The following ADAMTSL1 variants were observed in gnomAD, a reference collection of about 807,000 sequenced individuals.
ADAMTSL1 encodes ADAMTS like 1.
A neutral mutation model predicts 201.8 loss-of-function variants in ADAMTSL1; 126 were observed. That is an observed-to-expected ratio of 0.62 (90% CI 0.54 to 0.72). The LOEUF is 0.72. ADAMTSL1 is among the 30% of genes least tolerant of loss of function. The pLI, the probability that ADAMTSL1 is intolerant of heterozygous loss-of-function variation, is 0.00. For missense variants in ADAMTSL1, 2,679 were observed against 2,277.8 expected (o/e 1.18, Z -3.59); for synonymous variants, 1,121 against 903.4 (o/e 1.24, Z -4.32).
intron 1 of ADAMTSL1, among the ~76,000 whole-genome samples, chr9:18,490,835 G>A (rs968461892): frequency 1.3e-5 from 2 of 152,154 alleles, no homozygotes; most frequent in South Asian, 2.1e-4. Context: ...TCAGCCAAGC[G>A]GTGGGCAGAA....
intron 5 of ADAMTSL1, among the ~76,000 whole-genome samples, chr9:18,629,705 G>T (rs562462561): frequency 6.6e-6 from 1 of 152,138 alleles, no homozygotes; most frequent in Admixed American, 6.6e-5. Context: ...ATTCTTTTTT[G>T]TATTGTCTTT....
At chr9:17,942,974 T>A (rs1827302223) in intron 1 of ADAMTSL1, among the ~76,000 whole-genome samples, 1 of 152,130 alleles carries the variant, frequency 6.6e-6, no homozygotes, top group South Asian at 2.1e-4. Flanking sequence ...TAGGCTGGAG[T>A]GCAGTGACAG....
In ADAMTSL1 at chr9:18,638,480, G is replaced by T. The variant is rs77186020; in HGVS notation, c.677-774G>T. ...TCTAAATCACCCCTCAGTCACATGA[G>T]AACTTAGTCTTCTCTGAATCACACA... On this transcript the variant is annotated intron_variant, in intron 6 of 28. Coordinates refer to ENST00000380548, the MANE Select transcript of ADAMTSL1 (RefSeq NM_001040272.6). Among the ~76,000 whole-genome samples the T allele has an allele frequency of 6.9e-3, 1,056 of 152,106 alleles. 9 individuals are homozygous for T. The highest frequency in any genetic ancestry group is 9.3e-3 in the Non-Finnish European group (629 of 67,986).
At chr9:18,314,781 G>GTTTTTT (rs1563880361) in intron 2 of ADAMTSL1, among the ~76,000 whole-genome samples, 1 of 67,908 alleles carries the variant, frequency 1.5e-5, no homozygotes, top group Admixed American at 2.2e-4. Context: ...TCGGCAGCGT[G>GTTTTTT]CTTTTTTTTT....
chr9:18,798,484 A>G (rs1393635468), intron 20 of ADAMTSL1, among the ~76,000 whole-genome samples: 2 of 152,248 alleles, frequency 1.3e-5, no homozygotes, highest in Non-Finnish European at 2.9e-5. Flanking sequence ...TTTGTTAGCT[A>G]TTATTATTGA....
chr9:18,160,634 A>G (rs1051365800), intron 1 of ADAMTSL1, among the ~76,000 whole-genome samples: 8 of 151,776 alleles, frequency 5.3e-5, no homozygotes, highest in Non-Finnish European at 1.0e-4. Context: ...TCCTGGTCTG[A>G]GCATGGGAAA....
intron 26 of ADAMTSL1, chr9:18,905,576 C>A: frequency 1.8e-6 from 1 of 555,312 alleles, no homozygotes; most frequent in East Asian, 3.0e-5. Flanking sequence ...GGCAGAATGC[C>A]CACAGACCAC....
chr9:18,291,360 C>T (rs773736735), intron 2 of ADAMTSL1, among the ~76,000 whole-genome samples: 2 of 152,120 alleles, frequency 1.3e-5, no homozygotes, highest in Non-Finnish European at 2.9e-5. Context: ...CAAAAGCCAG[C>T]TTACAAACTA....
At chr9:18,558,779 T>C (rs1043007894) in intron 3 of ADAMTSL1, among the ~76,000 whole-genome samples, 23 of 152,206 alleles carry the variant, frequency 1.5e-4, no homozygotes, top group African/African-American at 5.5e-4. Flanking sequence ...GAGTTTTTTT[T>C]CGTATGTTTG....
At chr9:18,753,915 A>G (rs1435812928) in intron 16 of ADAMTSL1, among the ~76,000 whole-genome samples, 1 of 152,018 alleles carries the variant, frequency 6.6e-6, no homozygotes, top group African/African-American at 2.4e-5. Context: ...GTAGGCAATG[A>G]TTTTTTTTAA....
intron 2 of ADAMTSL1, among the ~76,000 whole-genome samples, chr9:18,316,921 T>C (rs1834422565): frequency 6.6e-6 from 1 of 152,206 alleles, no homozygotes; most frequent in Non-Finnish European, 1.5e-5. Context: ...AAGGGATATC[T>C]ACACCTCCAT....
chr9:18,573,412 A>T (rs2132355065), intron 3 of ADAMTSL1: 1 of 155,560 alleles, frequency 6.4e-6, no homozygotes, highest in South Asian at 2.0e-4. Context: ...CTAAGGAGGA[A>T]GTCCATGCTC....
chr9:18,117,718 C>T (rs753060747), intron 1 of ADAMTSL1, among the ~76,000 whole-genome samples: 1 of 152,230 alleles, frequency 6.6e-6, no homozygotes, highest in African/African-American at 2.4e-5. Context: ...GGGCAGGGGT[C>T]TTTGTTTTTC....
At position 18,504,888 on chromosome 9, in the gene ADAMTSL1, A is replaced by C; in HGVS notation, c.123A>C (p.Pro41=). 6.2e-7 allele frequency: 1 copy of C among 1,613,394 alleles called. No individual in the cohort carries two copies. The highest frequency in any genetic ancestry group is 8.5e-7 in the Non-Finnish European group (1 of 1,179,820). The change falls in exon 2 of 29, where the codon CCA becomes CCC. Residue 41 remains proline, a synonymous_variant. Coordinates refer to ENST00000380548, the MANE Select transcript of ADAMTSL1 (RefSeq NM_001040272.6). The part of the protein sequence containing the change: ...DRDGLWDAWG[P]WSECSRTCGG... The stretch of plus-strand genomic sequence containing the variant: ...ACGGCCTATGGGATGCCTGGGGCCC[A>C]TGGAGTGAATGCTCACGCACCTGCG...
At chr9:18,217,850 G>C (rs1031346670) in intron 2 of ADAMTSL1, among the ~76,000 whole-genome samples, 1 of 151,900 alleles carries the variant, frequency 6.6e-6, no homozygotes, top group Admixed American at 6.6e-5. Context: ...GCAGAGGAAA[G>C]TTGTTTTTTT....
chr9:18,281,868 C>T (rs1460216822), intron 2 of ADAMTSL1, among the ~76,000 whole-genome samples: 1 of 152,192 alleles, frequency 6.6e-6, no homozygotes, highest in African/African-American at 2.4e-5. Flanking sequence ...CTGCACCTGG[C>T]CCCATTCTAC....
chr9:18,757,463 C>T (rs970424386), intron 16 of ADAMTSL1, among the ~76,000 whole-genome samples: 7 of 152,100 alleles, frequency 4.6e-5, no homozygotes, highest in African/African-American at 1.7e-4. Context: ...TGACAGTCTA[C>T]TGCTAGGATT....
At chr9:18,316,156 C>T (rs1834386120) in intron 2 of ADAMTSL1, among the ~76,000 whole-genome samples, 1 of 152,150 alleles carries the variant, frequency 6.6e-6, no homozygotes, top group Admixed American at 6.5e-5. Context: ...ACATCAAGTA[C>T]TTTACACGGT....
intron 2 of ADAMTSL1, among the ~76,000 whole-genome samples, chr9:18,177,052 A>G (rs1828200577): frequency 6.6e-6 from 1 of 152,182 alleles, no homozygotes; most frequent in African/African-American, 2.4e-5. Flanking sequence ...TTGCCTTTTA[A>G]TGGATTTGAG....
Sources: allele counts gnomAD v4.1 joint callset (sites outside exome capture counted in the v4.1 genomes callset), GRCh38; gene constraint gnomAD v4.1.1; transcripts MANE v1.5; gene names NCBI Gene and HGNC (gene_info 2026-07-23, HGNC 2026-07-21).